Variants in ZNF804A observed in about 807,000 individuals in gnomAD.
ZNF804A encodes the protein zinc finger protein 804A.
A neutral mutation model predicts 16.5 loss-of-function variants in ZNF804A; 2 were observed. The ratio of observed to expected loss-of-function variants is 0.12; its 90% CI spans 0.05 to 0.38. The LOEUF is 0.38. Ranked by LOEUF, ZNF804A falls within the 10% of genes least tolerant of loss-of-function variation. The pLI is 0.99. For missense variants in ZNF804A, 1,473 were observed against 1,390.7 expected, an observed-to-expected ratio of 1.06 and a Z score of -0.94; for synonymous variants, 534 against 489.6, an observed-to-expected ratio of 1.09 and a Z score of -1.20.
intron 1 of ZNF804A, among the ~76,000 whole-genome samples, chr2:184,838,198 A>G (rs996482911): frequency 1.3e-5 from 2 of 152,102 alleles, no homozygotes; most frequent in African/African-American, 2.4e-5. Context: ...AGCTTGGGCA[A>G]TCATGGATTG....
Position 184,797,820 on chromosome 2 carries a change from T to A in ZNF804A, c.112-68549T>A, listed in dbSNP as rs146070370. ...TTATAAGTCCTCTGTGATTTATGCT[T>A]TAAAGAGTTTCTGTTTTGATGTGCT... On this transcript the variant is annotated intron_variant, in intron 1 of 3. Coordinates refer to ENST00000302277, the MANE Select transcript of ZNF804A (RefSeq NM_194250.2). 5.7e-3 allele frequency among the ~76,000 whole-genome samples: 863 copies of A among 152,224 alleles called. 5 individuals carry two copies. The highest frequency in any genetic ancestry group is 7.5e-3 in the Non-Finnish European group (513 of 67,988).
rs1693517750 is a variant in ZNF804A, at chr2:184,731,425, T to G, written c.111+132355T>G. Among the ~76,000 whole-genome samples, 9 of 152,072 alleles carry G rather than the reference T, an allele frequency of 5.9e-5. No homozygotes were observed. The South Asian group carries it at 1.9e-3, about 32-fold the overall frequency. On this transcript the variant is annotated intron_variant, in intron 1 of 3. Transcript: ENST00000302277. ...TGTCAGTGTTCTGGATTTTGGCCAT[T>G]CGAATAGATATGTAGTGATGTTATA... is the stretch of plus-strand genomic sequence containing the variant.
chr2:184,716,798 C>T (rs780310561), intron 1 of ZNF804A, among the ~76,000 whole-genome samples: 30 of 152,158 alleles, frequency 2.0e-4, no homozygotes, highest in South Asian at 4.1e-4. Context: ...TGTGTGTACA[C>T]GCAACTGAGT....
At chr2:184,747,412 C>T (rs906143610) in intron 1 of ZNF804A, among the ~76,000 whole-genome samples, 7 of 147,754 alleles carry the variant, frequency 4.7e-5, no homozygotes, top group Non-Finnish European at 7.5e-5. Flanking sequence ...ATGTATTTTG[C>T]TCATTTTTTA....
intron 1 of ZNF804A, among the ~76,000 whole-genome samples, chr2:184,859,535 A>G (rs1695759116): frequency 6.6e-6 from 1 of 151,972 alleles, no homozygotes; most frequent in Non-Finnish European, 1.5e-5. Flanking sequence ...GTGTTTTGTT[A>G]AAGTTCACTG....
At chr2:184,884,093 A>G (rs1158383658) in intron 2 of ZNF804A, among the ~76,000 whole-genome samples, 1 of 152,132 alleles carries the variant, frequency 6.6e-6, no homozygotes, top group African/African-American at 2.4e-5. Flanking sequence ...AGATCTGATA[A>G]ACAACTTCAG....
Position 184,788,004 on chromosome 2 carries a change from G to A in ZNF804A, c.112-78365G>A, listed in dbSNP as rs75861545. Among the ~76,000 whole-genome samples the A allele has an allele frequency of 4.5e-3, 678 of 151,634 alleles. 5 individuals are homozygous for A. Among genetic ancestry groups the A allele is most frequent in the Non-Finnish European group, 8.0e-3 (544 of 67,774 alleles). On this transcript the variant is annotated intron_variant, in intron 1 of 3. Coordinates refer to ENST00000302277, the MANE Select transcript of ZNF804A (RefSeq NM_194250.2). Reference sequence around the variant, plus strand: ...TAGGTTTAGGCCTTTAATCCTTCTTGAATTAATTTTTGTACATAATGAGAG... The same window carrying A: ...TAGGTTTAGGCCTTTAATCCTTCTTAAATTAATTTTTGTACATAATGAGAG...
At chr2:184,854,796 GTGAATCTGTCAGCAC>G (rs148688513) in intron 1 of ZNF804A, among the ~76,000 whole-genome samples, 6,000 of 152,084 alleles carry the variant, frequency 0.039, 194 homozygotes, top group East Asian at 0.055. Context: ...TTTTGAAAGA[GTGAATCTGTCAGCAC>G]TGAAGTAAAC....
intron 1 of ZNF804A, among the ~76,000 whole-genome samples, chr2:184,656,882 G>A (rs1692086279): frequency 2.6e-5 from 4 of 152,038 alleles, no homozygotes; most frequent in Admixed American, 2.6e-4. Flanking sequence ...GTCTTGTCCT[G>A]TTTTTGTTCT....
intron 1 of ZNF804A, among the ~76,000 whole-genome samples, chr2:184,749,921 GATA>G (rs1340126363): frequency 6.0e-5 from 9 of 151,214 alleles, no homozygotes; most frequent in Admixed American, 4.6e-4. Flanking sequence ...AAAGTATAAA[GATA>G]ATAATTCTTA....
chr2:184,823,834 A>G (rs1695120627), intron 1 of ZNF804A, among the ~76,000 whole-genome samples: 1 of 152,166 alleles, frequency 6.6e-6, no homozygotes, highest in Non-Finnish European at 1.5e-5. Flanking sequence ...TTGGGAAATT[A>G]CATCCTGAAA....
rs567407302 is a variant in ZNF804A, at chr2:184,694,648, ATTC to A, written c.111+95583_111+95585del. 2.3e-4 allele frequency among the ~76,000 whole-genome samples: 35 copies of A among 152,218 alleles called. 1 individual carries two copies. The highest frequency in any genetic ancestry group is 3.2e-3 in the Middle Eastern group (1 of 316). ...TCAAGAACATAAAATTTATTCAAGA[ATTC>A]TTCTCAGAAATAGGATCACTGGCTT... is the stretch of plus-strand genomic sequence containing the variant. On this transcript the variant is annotated intron_variant, in intron 1 of 3. Transcript: ENST00000302277.
At chr2:184,915,477 G>C (rs372046767) in intron 2 of ZNF804A, among the ~76,000 whole-genome samples, 3 of 151,998 alleles carry the variant, frequency 2.0e-5, no homozygotes, top group South Asian at 2.1e-4. Context: ...TACTCTCACT[G>C]TACTATCCAA....
chr2:184,897,622 T>C (rs1685108768), intron 2 of ZNF804A, among the ~76,000 whole-genome samples: 1 of 152,070 alleles, frequency 6.6e-6, no homozygotes, highest in Admixed American at 6.6e-5. Context: ...ATTTGATCTT[T>C]CTCCAACACT....
chr2:184,743,951 A>C (rs542262029), intron 1 of ZNF804A, among the ~76,000 whole-genome samples: 1 of 152,062 alleles, frequency 6.6e-6, no homozygotes, highest in Non-Finnish European at 1.5e-5. Context: ...TCCTGTAAGT[A>C]ATGTGTGGTC....
At chr2:184,723,158 C>A (rs1329399049) in intron 1 of ZNF804A, among the ~76,000 whole-genome samples, 1 of 151,878 alleles carries the variant, frequency 6.6e-6, no homozygotes, top group Non-Finnish European at 1.5e-5. Flanking sequence ...ACACACATTA[C>A]AGTATATTCC....
intron 2 of ZNF804A, among the ~76,000 whole-genome samples, chr2:184,915,906 C>T (rs941523296): frequency 3.9e-5 from 6 of 152,034 alleles, no homozygotes; most frequent in South Asian, 2.1e-4. Context: ...CAGCATAATG[C>T]CATTGATTAA....
intron 1 of ZNF804A, among the ~76,000 whole-genome samples, chr2:184,688,045 G>A (rs918390443): frequency 2.0e-5 from 3 of 152,136 alleles, no homozygotes; most frequent in Admixed American, 6.5e-5. Flanking sequence ...CTTGAACCCG[G>A]GAGGCAGAGG....
At chr2:184,915,417 T>C (rs1421584299) in intron 2 of ZNF804A, among the ~76,000 whole-genome samples, 1 of 152,134 alleles carries the variant, frequency 6.6e-6, no homozygotes, top group Non-Finnish European at 1.5e-5. Flanking sequence ...GTTGTTTGTA[T>C]ATATATTAAA....
Sources: gnomAD v4.1 joint callset for allele counts (sites outside exome capture counted in the v4.1 genomes callset) on GRCh38, gnomAD v4.1.1 for gene constraint, MANE v1.5 for transcripts, NCBI Gene and HGNC (gene_info 2026-07-23, HGNC 2026-07-21) for gene names.